DOT1L: variants seen among roughly 807,000 people sequenced by gnomAD.
DOT1L encodes DOT1 like histone lysine methyltransferase.
A neutral mutation model predicts 153.3 loss-of-function variants in DOT1L; 33 were observed. The observed-to-expected ratio is 0.22, with a 90% CI of 0.16 to 0.29. The LOEUF (loss-of-function observed/expected upper bound fraction) is 0.29. Ranked by LOEUF, DOT1L falls within the 10% of genes least tolerant of loss-of-function variation. The pLI is 1.00. For synonymous variants in DOT1L, 1,135 were observed against 965.1 expected, an observed-to-expected ratio of 1.18 and a Z score of -3.26; for missense variants, 1,847 against 2,119.9, an observed-to-expected ratio of 0.87 and a Z score of 2.53.
rs1441660925 is a variant in DOT1L at position 2,194,163 on chromosome 19, G to GT, written c.589-343dup. On this transcript the variant is annotated intron_variant, in intron 6 of 27. Coordinates refer to ENST00000398665, the MANE Select transcript of DOT1L (RefSeq NM_032482.3). ...CCTGTTGCTCTGAGAGTTTGTTGTT[G>GT]TTTTTTTTTGTTTTGTTTTGTTTTT... 3.3e-3 allele frequency among the ~76,000 whole-genome samples: 496 copies of GT among 151,100 alleles called. 6 individuals are homozygous for GT. Among genetic ancestry groups the GT allele is most frequent in the African/African-American group, 0.012 (475 of 41,224 alleles).
At chr19:2,194,266 G>T (rs1242577655) in intron 6 of DOT1L, among the ~76,000 whole-genome samples, 1 of 152,186 alleles carries the variant, frequency 6.6e-6, no homozygotes, top group Non-Finnish European at 1.5e-5. Context: ...CGCCACCTGG[G>T]TTCACACCAT....
rs2022814572 is a variant in DOT1L at position 2,191,963 on chromosome 19, CAGT to C, written c.493+726_493+728del. Among the ~76,000 whole-genome samples, 3 of 152,186 alleles carry C rather than the reference CAGT, an allele frequency of 2.0e-5. No homozygotes were observed. ...TGAGCGGCCCGTACACGAACAGCCT[CAGT>C]AGCCTGACGAATTCTTGATAGGACC... On this transcript the variant is annotated intron_variant, in intron 5 of 27. Transcript: ENST00000398665. This position sits in a 1 kb window ranked among gnomAD's most constrained non-coding sequence, Gnocchi z 6.8.
At chr19:2,214,117 G>A in intron 18 of DOT1L, 131 bp downstream of exon 18, 6 of 1,394,874 alleles carry the variant, frequency 4.3e-6, no homozygotes, top group East Asian at 2.5e-5. Flanking sequence ...GACGAATTGC[G>A]CCACCTGTGA....
At chr19:2,199,971 G>A (rs1246347465) in intron 8 of DOT1L, 32 bp downstream of exon 8, 2 of 1,611,466 alleles carry the variant, frequency 1.2e-6, no homozygotes, top group Non-Finnish European at 1.7e-6. Flanking sequence ...CAGGGCATGT[G>A]GGGTGTGCGC....
Position 2,218,570 on chromosome 19 carries a change from T to A in DOT1L, c.2691+652T>A, listed in dbSNP as rs369069995. Among the ~76,000 whole-genome samples the A allele has an allele frequency of 6.2e-4, 93 of 149,714 alleles. No individual in the cohort carries two copies. In the East Asian group the frequency reaches 0.012, roughly 20 times the overall value. ...CACCACGCCTGGCTAATTTTTTGTA[T>A]TTTTAGTAGAGATGGGGTTTCACCG... is the stretch of plus-strand genomic sequence containing the variant. On this transcript the variant is annotated intron_variant, in intron 22 of 27. Transcript: ENST00000398665.
rs2023679010 is a variant in DOT1L, at chr19:2,210,757, A to T, written c.1253A>T (p.Asn418Ile). Residue 418 changes from asparagine (N) to isoleucine (I), a missense_variant, in exon 14 of 28, where the codon AAC becomes ATC. By Grantham distance (149) the Asn-to-Ile change is moderately radical. This residue lies in a region of DOT1L where 205 missense variants were observed against 203.1 expected (regional missense o/e 1.01). Coordinates refer to ENST00000398665, the MANE Select transcript of DOT1L (RefSeq NM_032482.3). ...GRKRGRPKKM[N>I]TANPERKPKK... is the part of the protein sequence containing the mutation. Reference sequence around the variant, plus strand: ...AAGCGCGGGCGCCCCAAGAAGATGAACACTGCGAACCCCGAGCGGAAGCCC... The same window carrying T: ...AAGCGCGGGCGCCCCAAGAAGATGATCACTGCGAACCCCGAGCGGAAGCCC... 1 of 1,612,966 alleles carries T rather than the reference A, an allele frequency of 6.2e-7. No homozygotes were observed. The highest frequency in any genetic ancestry group is 1.1e-5 in the South Asian group (1 of 91,090).
chr19:2,195,858 C>A (rs1350981184), intron 7 of DOT1L, among the ~76,000 whole-genome samples: 1 of 152,226 alleles, frequency 6.6e-6, no homozygotes, highest in Non-Finnish European at 1.5e-5. Context: ...GTTCAGGGGT[C>A]CTGTTGTCAT....
At chr19:2,177,066 C>T (rs546379325) in intron 1 of DOT1L, among the ~76,000 whole-genome samples, 1 of 152,186 alleles carries the variant, frequency 6.6e-6, no homozygotes, top group East Asian at 1.9e-4. Flanking sequence ...CCAGTGCTTC[C>T]GGCTGCACCC....
At position 2,193,837 on chromosome 19, in the gene DOT1L, G is replaced by C; in HGVS notation, c.588+54G>C. On this transcript the variant is annotated intron_variant, in intron 6 of 27. Transcript: ENST00000398665. This position sits in a 1 kb window ranked among gnomAD's most constrained non-coding sequence, Gnocchi z 5.9. ...TGGAGGCAGGGGACCATCAGAGAAA[G>C]TGACGCCCTGGGTGCCTGCACCCCA... is the stretch of plus-strand genomic sequence containing the variant. 1 of 1,576,092 alleles carries C rather than the reference G, an allele frequency of 6.3e-7. No individual in the cohort carries two copies. The highest frequency in any genetic ancestry group is 1.1e-5 in the South Asian group (1 of 89,088).
In DOT1L at chr19:2,210,725, T is replaced by C. The variant is rs1285916870; in HGVS notation, c.1221T>C (p.Ala407=). The C allele has an allele frequency of 3.1e-6, 5 of 1,612,992 alleles. No individual in the cohort carries two copies. The highest frequency in any genetic ancestry group is 2.2e-5 in the East Asian group (1 of 44,862). ...TAAACAAGAAGGGGAGGAAGATGGC[T>C]GGCCGCAAGCGCGGGCGCCCCAAGA... is the stretch of plus-strand genomic sequence containing the variant. ...KKLNKKGRKM[A]GRKRGRPKKM... is the part of the protein sequence containing the mutation. Residue 407 remains alanine, a synonymous_variant, in exon 14 of 28, where the codon GCT becomes GCC. Transcript: ENST00000398665.
chr19:2,196,734 G>A (rs561834504), intron 7 of DOT1L, among the ~76,000 whole-genome samples: 2 of 151,852 alleles, frequency 1.3e-5, no homozygotes, highest in Non-Finnish European at 2.9e-5. Flanking sequence ...CCGTACCCTC[G>A]TGCTGGCCGG....
chr19:2,182,910 G>A (rs138513740), intron 2 of DOT1L, among the ~76,000 whole-genome samples: 2 of 152,282 alleles, frequency 1.3e-5, no homozygotes, highest in African/African-American at 2.4e-5. Flanking sequence ...GAGCTTAAGC[G>A]TTGTAGGGAG....
chr19:2,214,599 G>A lies in DOT1L; in HGVS notation c.1923+3G>A. 6.2e-7 allele frequency: 1 copy of A among 1,612,042 alleles called. No individual in the cohort carries two copies. Among genetic ancestry groups the A allele is most frequent in the South Asian group, 1.1e-5 (1 of 90,966 alleles). On this transcript the variant is annotated splice_donor_region_variant and intron_variant, in intron 19 of 27. Transcript: ENST00000398665. ...AGAGGCACTGCCTGGAGCTGCAGGT[G>A]GGCTGCGCGCGAGGCTGCACTCCGT...
intron 27 of DOT1L, chr19:2,227,622 C>CG: frequency 8.7e-7 from 1 of 1,146,650 alleles, no homozygotes; most frequent in African/African-American, 1.7e-5. Flanking sequence ...GCTTGGTGCC[C>CG]GCACACGCCT....
intron 17 of DOT1L, 49 bp from the exon 18 acceptor site, chr19:2,213,800 T>C (rs1473974301): frequency 1.2e-6 from 2 of 1,609,750 alleles, no homozygotes; most frequent in South Asian, 1.1e-5. Context: ...GGGGCTTACT[T>C]CACCTTGGAG....
chr19:2,183,148 A>G (rs2022321405), intron 2 of DOT1L, among the ~76,000 whole-genome samples: 3 of 152,176 alleles, frequency 2.0e-5, no homozygotes, highest in Admixed American at 6.5e-5. Flanking sequence ...CCATACGGCC[A>G]GTGTCCCAAG....
chr19:2,170,557 T>A (rs1289870631), intron 1 of DOT1L, among the ~76,000 whole-genome samples: 1 of 152,124 alleles, frequency 6.6e-6, no homozygotes, highest in Non-Finnish European at 1.5e-5. Context: ...ACTTCCAGCA[T>A]GTCTACCTCG....
chr19:2,187,193 C>T (rs2022552211), intron 3 of DOT1L, among the ~76,000 whole-genome samples: 1 of 152,242 alleles, frequency 6.6e-6, no homozygotes. Context: ...TCCCAGGGAT[C>T]AGGAGCTTTG....
chr19:2,193,054 C>G lies in DOT1L; in HGVS notation c.494-635C>G, dbSNP rs1278758863. On this transcript the variant is annotated intron_variant, in intron 5 of 27. Coordinates refer to ENST00000398665, the MANE Select transcript of DOT1L (RefSeq NM_032482.3). The surrounding 1 kb of genome is among the most constrained non-coding windows in gnomAD (Gnocchi z 5.9). ...TAGCAGGGGAGGAGAGGTGGCTTGA[C>G]ACCCCCGGTGTGCGCCGCTGCCTCC... Among the ~76,000 whole-genome samples, 1 of 152,178 alleles carries G rather than the reference C, an allele frequency of 6.6e-6. No individual in the cohort carries two copies. Among genetic ancestry groups the G allele is most frequent in the African/African-American group, 2.4e-5 (1 of 41,430 alleles).
Sources: allele counts gnomAD v4.1 joint callset (sites outside exome capture counted in the v4.1 genomes callset), GRCh38; gene constraint gnomAD v4.1.1; regional missense constraint gnomAD v4.1.1; non-coding constraint Gnocchi (gnomAD v3.1); transcripts MANE v1.5; gene names NCBI Gene and HGNC (gene_info 2026-07-23, HGNC 2026-07-21).